Variants in NUP210L observed in about 807,000 individuals in gnomAD.
NUP210L encodes nuclear pore membrane glycoprotein 210-like.
In NUP210L, 74 loss-of-function variants were observed where a neutral mutation model predicts 208.5. The observed-to-expected ratio is 0.35, with a 90% CI of 0.29 to 0.43. The LOEUF (loss-of-function observed/expected upper bound fraction) is 0.43. NUP210L is among the 20% of genes least tolerant of loss of function. The pLI, the probability that NUP210L is intolerant of heterozygous loss-of-function variation, is 1.00. For missense variants in NUP210L, 1,843 were observed against 2,289.4 expected (o/e 0.81, Z 3.98); for synonymous variants, 780 against 816.9 (o/e 0.95, Z 0.77).
chr1:154,095,275 GAGA>G, intron 14 of NUP210L, 119 bp from the exon 15 acceptor site: 1 of 745,662 alleles, frequency 1.3e-6, no homozygotes, highest in South Asian at 1.8e-5. Context: ...CCCAAATTAA[GAGA>G]TATGTATGCC....
At chr1:154,037,154 A>G (rs1226660270) in intron 27 of NUP210L, among the ~76,000 whole-genome samples, 2 of 152,182 alleles carry the variant, frequency 1.3e-5, no homozygotes, top group East Asian at 3.8e-4. Context: ...ATGAATGTGT[A>G]TTCTGCAGCT....
intron 16 of NUP210L, among the ~76,000 whole-genome samples, chr1:154,074,644 A>G (rs1654944218): frequency 6.6e-6 from 1 of 151,944 alleles, no homozygotes; most frequent in East Asian, 1.9e-4. Context: ...ACCCGCCACT[A>G]CGCCTGGCTA....
chr1:154,001,865 C>T (rs753698324), exon 36 of NUP210L: 1 of 1,614,130 alleles, frequency 6.2e-7, no homozygotes, highest in Non-Finnish European at 8.5e-7. Context: ...TCGTTGCATT[C>T]CATTCTTGCT....
Position 154,135,991 on chromosome 1 carries a change from A to G in NUP210L, c.851-19T>C, listed in dbSNP as rs1476421799. 6.4e-7 allele frequency: 1 copy of G among 1,556,326 alleles called. No homozygotes were observed. Among genetic ancestry groups the G allele is most frequent in the Admixed American group, 1.7e-5 (1 of 59,746 alleles). On this transcript the variant is annotated intron_variant, in intron 6 of 39. Transcript: ENST00000368559. The stretch of plus-strand genomic sequence containing the variant: ...TTCACCTCTGTAAGACATGAAAGAT[A>G]CATAAATGTAATGACAGCAGCCATT...
At chr1:154,148,711 TTGA>T (rs1322518247) in intron 2 of NUP210L, among the ~76,000 whole-genome samples, 1 of 152,172 alleles carries the variant, frequency 6.6e-6, no homozygotes, top group African/African-American at 2.4e-5. Flanking sequence ...AGCCTTCTAC[TTGA>T]TTAACATTTA....
At position 154,145,245 on chromosome 1, in the gene NUP210L, C is replaced by A. The variant is rs747457489; in HGVS notation, c.341-1668G>T. On this transcript the variant is annotated intron_variant, in intron 2 of 39. Coordinates refer to ENST00000368559, the Ensembl canonical transcript of NUP210L. ...CCAGTCTGGCCAACATGATGAAACA[C>A]CATCTCTACTAAAAATACAAAAATT... Among the ~76,000 whole-genome samples the A allele has an allele frequency of 4.1e-4, 61 of 149,600 alleles. 1 individual carries two copies. The highest frequency in any genetic ancestry group is 7.4e-3 in the Middle Eastern group (2 of 270).
At chr1:153,993,046 C>A (rs767333331) in exon 39 of NUP210L, 1 of 1,613,650 alleles carries the variant, frequency 6.2e-7, no homozygotes, top group South Asian at 1.1e-5. Flanking sequence ...TTGGTACATA[C>A]ACAACTGGAA....
chr1:154,148,632 T>C (rs1322683384), intron 2 of NUP210L, among the ~76,000 whole-genome samples: 1 of 152,248 alleles, frequency 6.6e-6, no homozygotes, highest in Admixed American at 6.5e-5. Flanking sequence ...GGGAACTTTC[T>C]GTATTATCTT....
chr1:154,001,782 C>G (rs777070980), exon 36 of NUP210L: 1 of 1,613,982 alleles, frequency 6.2e-7, no homozygotes, highest in Admixed American at 1.7e-5. Flanking sequence ...CTTATCTCCC[C>G]GATATCTTGT....
intron 12 of NUP210L, among the ~76,000 whole-genome samples, chr1:154,110,681 C>G (rs1286653486): frequency 6.6e-6 from 1 of 151,336 alleles, no homozygotes; most frequent in Non-Finnish European, 1.5e-5. Context: ...GAGTTCAAGA[C>G]CAGCCTGAAC....
Position 153,992,975 on chromosome 1 carries a change from T to C in NUP210L, c.5566+40A>G, listed in dbSNP as rs747723441. 6.2e-6 allele frequency: 10 copies of C among 1,608,362 alleles called. No homozygotes were observed. The East Asian group carries it at 2.2e-4, about 36-fold the overall frequency. Reference sequence around the variant, plus strand: ...AAAAGTTGAGTGAATTAAACGTGTGTATCTGAGCTTTTCAAAGATGAGGAC... The same window carrying C: ...AAAAGTTGAGTGAATTAAACGTGTGCATCTGAGCTTTTCAAAGATGAGGAC... On this transcript the variant is annotated intron_variant, in intron 39 of 39. Transcript: ENST00000368559.
At chr1:154,141,509 C>T in exon 4 of NUP210L, 3 of 1,608,970 alleles carry the variant, frequency 1.9e-6, no homozygotes, top group Non-Finnish European at 2.6e-6. Flanking sequence ...CCCTGCCAAA[C>T]TACTAAAAGT....
exon 15 of NUP210L, chr1:154,094,993 G>T: frequency 6.2e-7 from 1 of 1,614,108 alleles, no homozygotes; most frequent in East Asian, 2.2e-5. Context: ...TTTTCTCTTA[G>T]ATGGCAGCCA....
At chr1:153,997,875 ATTTT>A (rs913469489) in intron 37 of NUP210L, among the ~76,000 whole-genome samples, 1 of 149,760 alleles carries the variant, frequency 6.7e-6, no homozygotes, top group South Asian at 2.1e-4. Context: ...ATTTTTATTT[ATTTT>A]TTTTATTTTT....
chr1:154,027,511 G>A (rs759172401), exon 29 of NUP210L: 1 of 1,605,072 alleles, frequency 6.2e-7, no homozygotes, highest in South Asian at 1.1e-5. Context: ...CTTACCTGTT[G>A]GTATGGAGTT....
At chr1:154,054,688 AG>A in intron 24 of NUP210L, 81 bp downstream of exon 24, 1 of 1,017,334 alleles carries the variant, frequency 9.8e-7, no homozygotes, top group South Asian at 1.3e-5. Flanking sequence ...AGAGATCAAT[AG>A]GAAGAGAGGT....
At chr1:154,090,041 C>T (rs1311109377) in intron 15 of NUP210L, among the ~76,000 whole-genome samples, 2 of 151,878 alleles carry the variant, frequency 1.3e-5, no homozygotes, top group African/African-American at 4.8e-5. Context: ...CATGCCATTG[C>T]ACTTCAGCCT....
chr1:154,054,018 G>A (rs1653671737), intron 25 of NUP210L, among the ~76,000 whole-genome samples: 1 of 152,096 alleles, frequency 6.6e-6, no homozygotes, highest in Admixed American at 6.6e-5. Context: ...TTTAAGGATG[G>A]GAACCATATC....
intron 37 of NUP210L, chr1:153,995,991 G>A (rs1324564126): frequency 5.1e-6 from 2 of 389,412 alleles, no homozygotes; most frequent in African/African-American, 4.2e-5. Flanking sequence ...TAAAAATGAG[G>A]AGACTTAAAA....
Sources: allele counts gnomAD v4.1 joint callset (sites outside exome capture counted in the v4.1 genomes callset), GRCh38; gene constraint gnomAD v4.1.1; transcripts MANE v1.5; gene names NCBI Gene and HGNC (gene_info 2026-07-23, HGNC 2026-07-21).